ZNF254: variants seen among roughly 807,000 people sequenced by gnomAD.
ZNF254 encodes the protein CTD-2017D11.1.
Under a neutral mutation model 12.4 loss-of-function variants are expected in ZNF254, and 10 were observed. That is an observed-to-expected ratio of 0.80 (90% confidence interval 0.50 to 1.36). ZNF254 has a LOEUF of 1.36. Among genes scored for constraint, ZNF254 ranks in the 40% most tolerant of loss-of-function variants. The pLI is 0.00. For missense variants in ZNF254, 996 were observed against 763.9 expected (o/e 1.30, Z -3.58); for synonymous variants, 305 against 253.4 (o/e 1.20, Z -1.93).
chr19:24,103,379 T>C (rs1183553582), intron 1 of ZNF254, among the ~76,000 whole-genome samples: 2 of 152,098 alleles, frequency 1.3e-5, no homozygotes, highest in Non-Finnish European at 2.9e-5. Context: ...TCGCATTACA[T>C]AGAGTGGGGC....
chr19:24,116,297 A>T (rs943445706), intron 3 of ZNF254, among the ~76,000 whole-genome samples: 2 of 152,136 alleles, frequency 1.3e-5, no homozygotes, highest in Admixed American at 6.5e-5. Flanking sequence ...GTGTTTTCCA[A>T]CTTGGTTCCA....
At chr19:24,114,034 A>C (rs908866927) in intron 3 of ZNF254, among the ~76,000 whole-genome samples, 2 of 151,756 alleles carry the variant, frequency 1.3e-5, no homozygotes, top group Non-Finnish European at 2.9e-5. Context: ...AAGAGGATAC[A>C]AACAAATGGA....
chr19:24,074,379 G>A (rs1291845250), intron 2 of ZNF254, among the ~76,000 whole-genome samples: 1 of 152,198 alleles, frequency 6.6e-6, no homozygotes, highest in Admixed American at 6.5e-5. Context: ...TGAGCCTTCT[G>A]TCCAAACCCT....
At chr19:24,040,119 C>T (rs551244153) in intron 1 of ZNF254, among the ~76,000 whole-genome samples, 29 of 152,260 alleles carry the variant, frequency 1.9e-4, no homozygotes, top group African/African-American at 6.5e-4. Flanking sequence ...CTGCCCCAGC[C>T]CTATCCAGAC....
rs1246248844 is a variant in ZNF254 at position 24,127,721 on chromosome 19, A to G, written c.1721A>G (p.Tyr574Cys). ...AGAATTCATACTGGAGAGAAACCCT[A>G]TAAATGTGAAGAATGTGGCAAATCT... ...HKRIHTGEKPYKCEECGKSFN... is the reference protein window; with the variant it reads ...HKRIHTGEKPCKCEECGKSFN... The change falls in exon 4 of 4, where the codon TAT becomes TGT. Residue 574 changes from tyrosine to cysteine, a missense_variant. By Grantham distance (194) the Tyr-to-Cys change is radical. Transcript: ENST00000357002. 5 of 1,613,126 alleles carry G rather than the reference A, an allele frequency of 3.1e-6. No individual in the cohort carries two copies. The highest frequency in any genetic ancestry group is 2.2e-5 in the East Asian group (1 of 44,840).
At chr19:24,055,568 C>T (rs201268564) in intron 2 of ZNF254, among the ~76,000 whole-genome samples, 62 of 152,244 alleles carry the variant, frequency 4.1e-4, no homozygotes, top group East Asian at 2.7e-3. Flanking sequence ...TGAGCCACTG[C>T]AGCCGGCCTG....
intron 2 of ZNF254, among the ~76,000 whole-genome samples, chr19:24,062,104 A>G (rs558432803): frequency 1.2e-5 from 1 of 83,880 alleles, no homozygotes; most frequent in Non-Finnish European, 2.3e-5. Context: ...AAAAAAAAAG[A>G]AAAAGAAAAA....
chr19:24,107,236 T>A, intron 3 of ZNF254: 1 of 653,356 alleles, frequency 1.5e-6, no homozygotes, highest in Admixed American at 2.5e-5. Context: ...TTCATTACTG[T>A]GAAGAAAAAC....
At chr19:24,069,580 T>G (rs1435554376) in intron 2 of ZNF254, among the ~76,000 whole-genome samples, 1 of 125,522 alleles carries the variant, frequency 8.0e-6, no homozygotes, top group Non-Finnish European at 1.6e-5. Context: ...CGTTCAGCCT[T>G]GGTGACAGAG....
At chr19:24,038,155 C>A (rs1240159984) in intron 1 of ZNF254, among the ~76,000 whole-genome samples, 1 of 152,108 alleles carries the variant, frequency 6.6e-6, no homozygotes, top group Non-Finnish European at 1.5e-5. Flanking sequence ...GTTTTTAGAA[C>A]CTAGGAATCA....
intron 3 of ZNF254, among the ~76,000 whole-genome samples, chr19:24,107,548 A>G (rs970100256): frequency 6.6e-5 from 10 of 152,010 alleles, no homozygotes; most frequent in Non-Finnish European, 1.3e-4. Flanking sequence ...TAATTAACTG[A>G]GTGTATTCAT....
intron 3 of ZNF254, among the ~76,000 whole-genome samples, chr19:24,117,398 G>A (rs1246627372): frequency 6.6e-6 from 1 of 152,154 alleles, no homozygotes; most frequent in Non-Finnish European, 1.5e-5. Flanking sequence ...CTGGGCAATG[G>A]CGGGTGCCCC....
At chr19:24,040,651 A>G (rs1386770316) in intron 1 of ZNF254, among the ~76,000 whole-genome samples, 1 of 152,208 alleles carries the variant, frequency 6.6e-6, no homozygotes, top group African/African-American at 2.4e-5. Flanking sequence ...AACCGACACA[A>G]TGCGAGTTTC....
intron 2 of ZNF254, among the ~76,000 whole-genome samples, chr19:24,056,571 A>G (rs928223554): frequency 1.3e-5 from 2 of 152,166 alleles, no homozygotes; most frequent in African/African-American, 4.8e-5. Context: ...TGGTGACATG[A>G]GTCTCCTGTA....
intron 2 of ZNF254, among the ~76,000 whole-genome samples, chr19:24,050,367 C>T (rs916808484): frequency 6.6e-6 from 1 of 152,082 alleles, no homozygotes; most frequent in Non-Finnish European, 1.5e-5. Flanking sequence ...ACCCTGTTGG[C>T]CAGGCCGATA....
intron 2 of ZNF254, among the ~76,000 whole-genome samples, chr19:24,074,424 C>T (rs940925362): frequency 2.6e-5 from 4 of 152,182 alleles, no homozygotes; most frequent in African/African-American, 7.2e-5. Flanking sequence ...TCTGTGAATC[C>T]ATCATCTTTG....
chr19:24,041,380 C>T (rs1410193789), intron 1 of ZNF254, among the ~76,000 whole-genome samples: 2 of 152,204 alleles, frequency 1.3e-5, no homozygotes, highest in Non-Finnish European at 2.9e-5. Context: ...TCCGGGTGGG[C>T]GTGGGCTTGG....
chr19:24,090,950 T>TC (rs1300547981), intron 1 of ZNF254, among the ~76,000 whole-genome samples: 1 of 141,262 alleles, frequency 7.1e-6, no homozygotes, highest in East Asian at 2.0e-4. Flanking sequence ...GTGATTTTTT[T>TC]TTTTTTTTTT....
intron 1 of ZNF254, among the ~76,000 whole-genome samples, chr19:24,096,471 AGTT>A (rs756603691): frequency 2.0e-5 from 3 of 152,206 alleles, no homozygotes; most frequent in South Asian, 2.1e-4. Flanking sequence ...TAATTGTATC[AGTT>A]GTTTTATTTT....
Sources: gnomAD v4.1 joint callset for allele counts (sites outside exome capture counted in the v4.1 genomes callset) on GRCh38, gnomAD v4.1.1 for gene constraint, MANE v1.5 for transcripts, NCBI Gene and HGNC (gene_info 2026-07-23, HGNC 2026-07-21) for gene names.